The following VPS35L variants were observed in gnomAD, a reference collection of about 807,000 sequenced individuals.
The protein encoded by VPS35L is VPS35 endosomal protein sorting factor like, also known as VPS35 endosomal protein-sorting factor-like.
Under a neutral mutation model 133.0 loss-of-function variants are expected in VPS35L, and 83 were observed. The observed-to-expected ratio is 0.62, with a 90% CI of 0.52 to 0.75. VPS35L has a LOEUF of 0.75. Among genes scored for constraint, VPS35L ranks in the 30% least tolerant of loss-of-function variants. The probability of loss-of-function intolerance (pLI) is 0.00; values close to 1 mark genes in which losing one functional copy is unlikely to be tolerated. For synonymous variants in VPS35L, 423 were observed against 449.9 expected (o/e 0.94, Z 0.76); for missense variants, 1,083 against 1,206.8 (o/e 0.90, Z 1.52).
intron 27 of VPS35L, among the ~76,000 whole-genome samples, chr16:19,681,730 T>C (rs1975286776): frequency 6.6e-6 from 1 of 152,232 alleles, no homozygotes; most frequent in Non-Finnish European, 1.5e-5. Context: ...GTTACCGTTG[T>C]TGAGCATCCC....
intron 28 of VPS35L, among the ~76,000 whole-genome samples, chr16:19,690,284 T>C (rs2151625302): frequency 6.6e-6 from 1 of 152,188 alleles, no homozygotes; most frequent in East Asian, 1.9e-4. Context: ...GCCCAGATTA[T>C]GCTCTGTGTG....
intron 28 of VPS35L, among the ~76,000 whole-genome samples, chr16:19,689,094 AG>A: frequency 6.8e-6 from 1 of 146,056 alleles, no homozygotes; most frequent in African/African-American, 2.6e-5. Flanking sequence ...GCTGGAGTGC[AG>A]GAGCGTGCCA....
At chr16:19,621,148 G>C (rs1047493939) in intron 14 of VPS35L, among the ~76,000 whole-genome samples, 1 of 151,974 alleles carries the variant, frequency 6.6e-6, no homozygotes, top group Non-Finnish European at 1.5e-5. Context: ...ATTAAAAAAG[G>C]CCATATTTAA....
chr16:19,699,702 C>T lies in VPS35L; in HGVS notation c.2793+54C>T, dbSNP rs899333078. 2 of 1,600,984 alleles carry T rather than the reference C, an allele frequency of 1.2e-6. No homozygotes were observed. Among genetic ancestry groups the T allele is most frequent in the Non-Finnish European group, 1.7e-6 (2 of 1,175,700 alleles). ...AAGCCCACTGGCCAGTGCACAACCA[C>T]CCTCAACACAGCATTGTGGCCTGGA... On this transcript the variant is annotated intron_variant, in intron 30 of 30. Coordinates refer to ENST00000417362, the MANE Select transcript of VPS35L (RefSeq NM_020314.7). This position sits in a 1 kb window ranked among gnomAD's most constrained non-coding sequence, Gnocchi z 4.2.
rs781577468 is a variant in VPS35L at position 19,628,755 on chromosome 16, T to A, written c.1500+2T>A. ...ATCACTAAGCTGAAGAACCCACAGG[T>A]GAGTGGCCATTTTATTTTTATTTTT... On this transcript the variant is annotated splice_donor_variant, in intron 17 of 30. Coordinates refer to ENST00000417362, the MANE Select transcript of VPS35L (RefSeq NM_020314.7). LOFTEE classifies it high-confidence loss of function. 1.6e-6 allele frequency: 2 copies of A among 1,253,120 alleles called. No homozygotes were observed. The highest frequency in any genetic ancestry group is 2.1e-6 in the Non-Finnish European group (2 of 935,460). 77.6% of individuals were successfully genotyped at this position (1,253,120 alleles called of 1,614,324 possible). A position where few individuals can be genotyped will look rare whatever the true frequency, so the allele number is the denominator to read the frequency against.
At position 19,680,915 on chromosome 16, in the gene VPS35L, C is replaced by A. The variant is rs1017896243; in HGVS notation, c.2362-1310C>A. The stretch of plus-strand genomic sequence containing the variant: ...GAGTGAGACCCTGTCTCAGAACCCG[C>A]CCCCCCCCTAAAAAAACAGGATGAT... On this transcript the variant is annotated intron_variant, in intron 27 of 30. Coordinates refer to ENST00000417362, the MANE Select transcript of VPS35L (RefSeq NM_020314.7). 3.3e-4 allele frequency among the ~76,000 whole-genome samples: 18 copies of A among 55,018 alleles called. No homozygotes were observed. The East Asian group carries it at 6.4e-3, about 19-fold the overall frequency. The allele number at this position is 55,018 out of a possible 152,430, so 36.1% of individuals were successfully genotyped here. A position where few individuals can be genotyped will look rare whatever the true frequency, so the allele number is the denominator to read the frequency against.
intron 8 of VPS35L, among the ~76,000 whole-genome samples, chr16:19,596,757 A>G (rs990756922): frequency 1.3e-5 from 2 of 151,872 alleles, no homozygotes; most frequent in Non-Finnish European, 2.9e-5. Context: ...GGTGGCTCAC[A>G]CTTGTAATCC....
intron 3 of VPS35L, among the ~76,000 whole-genome samples, chr16:19,570,881 A>ATTTTTTT (rs1567388851): frequency 1.6e-5 from 1 of 64,306 alleles, no homozygotes; most frequent in African/African-American, 8.1e-5. Flanking sequence ...ATATATATAT[A>ATTTTTTT]TATATATATT....
intron 11 of VPS35L, 131 bp downstream of exon 11, chr16:19,609,152 C>A: frequency 1.3e-6 from 1 of 750,104 alleles, no homozygotes; most frequent in Non-Finnish European, 2.2e-6. Flanking sequence ...ACCTTCTGTT[C>A]TTTTTCTCAT....
At chr16:19,610,959 G>A (rs912918138) in intron 12 of VPS35L, among the ~76,000 whole-genome samples, 1 of 152,148 alleles carries the variant, frequency 6.6e-6, no homozygotes, top group Non-Finnish European at 1.5e-5. Context: ...AAGCTATTAA[G>A]TTTTTTGTGT....
intron 27 of VPS35L, among the ~76,000 whole-genome samples, chr16:19,679,140 G>C (rs973690168): frequency 1.3e-5 from 2 of 150,616 alleles, no homozygotes; most frequent in Non-Finnish European, 3.0e-5. Flanking sequence ...AGGCTGGGGG[G>C]GCGGGGGTGG....
At chr16:19,565,060 ATTT>A (rs35102175) in intron 2 of VPS35L, 110 bp downstream of exon 2, 163 of 562,736 alleles carry the variant, frequency 2.9e-4, no homozygotes, top group East Asian at 7.1e-4. Context: ...TGCATATTTG[ATTT>A]TTTTTTTTTT....
chr16:19,579,004 T>A (rs934838450), intron 5 of VPS35L, 48 bp from the exon 6 acceptor site: 8 of 1,503,690 alleles, frequency 5.3e-6, no homozygotes, highest in African/African-American at 1.4e-5. Flanking sequence ...CTGGGGGTAT[T>A]GGTGCACGAG....
At chr16:19,644,832 TAGAAA>T in intron 22 of VPS35L, 49 bp from the exon 23 acceptor site, 2 of 1,348,890 alleles carry the variant, frequency 1.5e-6, no homozygotes, top group Admixed American at 2.0e-5. Context: ...TTTTTTTCTT[TAGAAA>T]CTTTCATCTA....
intron 12 of VPS35L, among the ~76,000 whole-genome samples, chr16:19,615,545 G>A (rs770087636): frequency 5.9e-5 from 9 of 152,150 alleles, no homozygotes; most frequent in Admixed American, 2.6e-4. Context: ...TGCTACTTGG[G>A]AGGCTGAGGC....
At chr16:19,590,661 C>T (rs564254354) in intron 7 of VPS35L, among the ~76,000 whole-genome samples, 2 of 152,058 alleles carry the variant, frequency 1.3e-5, no homozygotes, top group Admixed American at 6.6e-5. Flanking sequence ...GAGTTCTGAA[C>T]ATGTTGGCCG....
chr16:19,592,778 G>A (rs182974967), intron 8 of VPS35L, among the ~76,000 whole-genome samples: 5 of 150,468 alleles, frequency 3.3e-5, no homozygotes, highest in Admixed American at 2.0e-4. Flanking sequence ...CTCTGCCTCC[G>A]GGGTTCAAGT....
intron 6 of VPS35L, among the ~76,000 whole-genome samples, chr16:19,580,842 G>A (rs569358023): frequency 2.8e-4 from 43 of 152,178 alleles, no homozygotes; most frequent in African/African-American, 1.0e-3. Context: ...AGTCTGAGAT[G>A]TACCATTTCT....
At chr16:19,558,237 T>G (rs1274990980) in intron 1 of VPS35L, among the ~76,000 whole-genome samples, 2 of 152,274 alleles carry the variant, frequency 1.3e-5, no homozygotes, top group Non-Finnish European at 2.9e-5. Flanking sequence ...GTCCTTATTT[T>G]CTGTCAGACA....
Sources: allele counts gnomAD v4.1 joint callset (sites outside exome capture counted in the v4.1 genomes callset), GRCh38; gene constraint gnomAD v4.1.1; non-coding constraint Gnocchi (gnomAD v3.1); transcripts MANE v1.5; gene names NCBI Gene and HGNC (gene_info 2026-07-23, HGNC 2026-07-21).